Variants in BNC2 observed in about 807,000 individuals in gnomAD.
BNC2 encodes the protein zinc finger protein basonuclin-2.
Under a neutral mutation model 76.3 loss-of-function variants are expected in BNC2, and 20 were observed. The ratio of observed to expected loss-of-function variants is 0.26; its 90% CI spans 0.18 to 0.38. BNC2 has a LOEUF of 0.38. Ranked by LOEUF, BNC2 falls within the 10% of genes least tolerant of loss-of-function variation. The probability of loss-of-function intolerance (pLI) is 1.00; values close to 1 mark genes in which losing one functional copy is unlikely to be tolerated. For missense variants in BNC2, 1,382 were observed against 1,399.8 expected (o/e 0.99, Z 0.20); for synonymous variants, 582 against 514.8 (o/e 1.13, Z -1.77).
intron 3 of BNC2, among the ~76,000 whole-genome samples, chr9:16,639,862 C>G (rs1215658385): frequency 1.3e-5 from 2 of 152,016 alleles, no homozygotes; most frequent in Admixed American, 6.6e-5. Context: ...TTCAAGGCTT[C>G]AGTGAGCTAT....
At chr9:16,655,297 A>G (rs1482193561) in intron 3 of BNC2, among the ~76,000 whole-genome samples, 1 of 152,190 alleles carries the variant, frequency 6.6e-6, no homozygotes, top group African/African-American at 2.4e-5. Context: ...ATAAAGATGA[A>G]TAAAAGCAAA....
At chr9:16,587,707 T>C (rs1181844068) in intron 3 of BNC2, among the ~76,000 whole-genome samples, 2 of 152,180 alleles carry the variant, frequency 1.3e-5, no homozygotes, top group Admixed American at 6.5e-5. Context: ...TCTCCTTGGT[T>C]GGACAGCTGA....
chr9:16,613,360 T>A (rs757599920), intron 3 of BNC2, among the ~76,000 whole-genome samples: 3 of 152,204 alleles, frequency 2.0e-5, no homozygotes, highest in Admixed American at 2.0e-4. Context: ...ATCCATTTTG[T>A]GCTTGCAACC....
At chr9:16,491,842 G>C (rs1489204743) in intron 5 of BNC2, among the ~76,000 whole-genome samples, 1 of 152,152 alleles carries the variant, frequency 6.6e-6, no homozygotes, top group Non-Finnish European at 1.5e-5. Flanking sequence ...TACGCTACCA[G>C]ATTAATCAAA....
chr9:16,792,654 G>A (rs547530996), intron 1 of BNC2, among the ~76,000 whole-genome samples: 35 of 152,294 alleles, frequency 2.3e-4, no homozygotes, highest in African/African-American at 8.4e-4. Flanking sequence ...AATACCAGCG[G>A]GGGGAACCAA....
chr9:16,767,799 A>G (rs1825736939), intron 1 of BNC2, among the ~76,000 whole-genome samples: 1 of 151,960 alleles, frequency 6.6e-6, no homozygotes, highest in Admixed American at 6.6e-5. Flanking sequence ...GTCTTGTTTC[A>G]CCTCTCCCAA....
Position 16,436,652 on chromosome 9 carries a change from G to A in BNC2, c.1542C>T (p.Thr514=), listed in dbSNP as rs149867299. The change falls in exon 6 of 7, where the codon ACC becomes ACT. Residue 514 remains threonine, a synonymous_variant. Coordinates refer to ENST00000380672, the MANE Select transcript of BNC2 (RefSeq NM_017637.6). The part of the protein sequence containing the change: ...NNRDKDLIRA[T]SGAATPVIAS... Reference sequence around the variant, plus strand: ...CTATGACAGGGGTGGCAGCTCCTGAGGTGGCCCGAATTAAATCTTTATCTC... The same window carrying A: ...CTATGACAGGGGTGGCAGCTCCTGAAGTGGCCCGAATTAAATCTTTATCTC... The A allele has an allele frequency of 4.3e-4, 691 of 1,614,090 alleles. 1 individual carries two copies. In the African/African-American group the frequency reaches 8.5e-3, roughly 20 times the overall value.
At chr9:16,780,013 G>A (rs1026489747) in intron 1 of BNC2, among the ~76,000 whole-genome samples, 2 of 151,436 alleles carry the variant, frequency 1.3e-5, no homozygotes, top group Non-Finnish European at 2.9e-5. Context: ...GAGGCGGGCG[G>A]ATCACAAGGT....
intron 1 of BNC2, among the ~76,000 whole-genome samples, chr9:16,807,323 C>T (rs1297896664): frequency 6.6e-6 from 1 of 152,086 alleles, no homozygotes; most frequent in African/African-American, 2.4e-5. Flanking sequence ...TATCAATTTC[C>T]ATGAAAACAA....
rs186904835 is a variant in BNC2, at chr9:16,659,002, G to C, written c.330+68795C>G. ...GATCATCGCAACTGTCTCTTTTTTT[G>C]AATGTGATTAAACTTAAGCATGAAT... is the stretch of plus-strand genomic sequence containing the variant. On this transcript the variant is annotated intron_variant, in intron 3 of 6. Coordinates refer to ENST00000380672, the MANE Select transcript of BNC2 (RefSeq NM_017637.6). Among the ~76,000 whole-genome samples, 3 of 152,152 alleles carry C rather than the reference G, an allele frequency of 2.0e-5. 1 individual carries two copies. The highest frequency in any genetic ancestry group is 4.4e-5 in the Non-Finnish European group (3 of 67,986).
At chr9:16,849,427 C>T (rs1290996859) in intron 1 of BNC2, among the ~76,000 whole-genome samples, 24 of 134,884 alleles carry the variant, frequency 1.8e-4, no homozygotes, top group African/African-American at 6.0e-4. Context: ...GGCGCAATCT[C>T]GGCTCGCTGC....
At chr9:16,847,396 C>T (rs1179453032) in intron 1 of BNC2, among the ~76,000 whole-genome samples, 3 of 20,058 alleles carry the variant, frequency 1.5e-4, no homozygotes, top group Non-Finnish European at 3.0e-4. Flanking sequence ...GAAGATTTCT[C>T]GGGGCGGGGG....
intron 3 of BNC2, among the ~76,000 whole-genome samples, chr9:16,625,382 C>T (rs1820965504): frequency 6.6e-6 from 1 of 151,918 alleles, no homozygotes; most frequent in South Asian, 2.1e-4. Context: ...ATTACTCCTC[C>T]ATCCACACCC....
At chr9:16,857,044 T>C (rs1819276464) in intron 1 of BNC2, among the ~76,000 whole-genome samples, 1 of 152,148 alleles carries the variant, frequency 6.6e-6, no homozygotes, top group Admixed American at 6.6e-5. Flanking sequence ...TCTAAACACA[T>C]GTCAAAATAC....
chr9:16,726,743 T>C (rs1824335813), intron 3 of BNC2: 1 of 152,144 alleles, frequency 6.6e-6, no homozygotes, highest in Non-Finnish European at 1.5e-5. Context: ...TAACTTGCTT[T>C]GTGTGGGTTT....
chr9:16,839,815 A>C (rs1818786318), intron 1 of BNC2, among the ~76,000 whole-genome samples: 2 of 152,228 alleles, frequency 1.3e-5, no homozygotes, highest in Non-Finnish European at 2.9e-5. Flanking sequence ...AAGGATTTTT[A>C]CAAATGATTA....
chr9:16,753,961 A>T (rs1402577731), intron 1 of BNC2, among the ~76,000 whole-genome samples: 1 of 152,206 alleles, frequency 6.6e-6, no homozygotes, highest in Non-Finnish European at 1.5e-5. Context: ...AAGTGCAGAC[A>T]CTTGGTACTT....
At chr9:16,461,722 T>A (rs1024925898) in intron 5 of BNC2, among the ~76,000 whole-genome samples, 1 of 152,148 alleles carries the variant, frequency 6.6e-6, no homozygotes, top group African/African-American at 2.4e-5. Context: ...TCAAGGAGGT[T>A]ACAAAAGTGC....
chr9:16,758,489 C>G (rs796444870), intron 1 of BNC2, among the ~76,000 whole-genome samples: 2 of 152,254 alleles, frequency 1.3e-5, no homozygotes, highest in African/African-American at 4.8e-5. Flanking sequence ...CACCACCACA[C>G]CCGGCTCCTT....
Sources: gnomAD v4.1 joint callset for allele counts (sites outside exome capture counted in the v4.1 genomes callset) on GRCh38, gnomAD v4.1.1 for gene constraint, MANE v1.5 for transcripts, NCBI Gene and HGNC (gene_info 2026-07-23, HGNC 2026-07-21) for gene names.